The following FUT8 variants were observed in gnomAD, a reference collection of about 807,000 sequenced individuals.
FUT8 encodes alpha-(1,6)-fucosyltransferase.
A neutral mutation model predicts 71.3 loss-of-function variants in FUT8; 29 were observed. That is an observed-to-expected ratio of 0.41 (90% confidence interval 0.30 to 0.55). The LOEUF is 0.55. Among genes scored for constraint, FUT8 ranks in the 20% least tolerant of loss-of-function variants. The probability of loss-of-function intolerance (pLI) is 0.34; values close to 1 mark genes in which losing one functional copy is unlikely to be tolerated. For missense variants in FUT8, 544 were observed against 702.1 expected (o/e 0.77, Z 2.55); for synonymous variants, 254 against 239.3 (o/e 1.06, Z -0.57).
At chr14:65,623,556 A>G (rs1329559001) in intron 5 of FUT8, among the ~76,000 whole-genome samples, 1 of 151,988 alleles carries the variant, frequency 6.6e-6, no homozygotes, top group Non-Finnish European at 1.5e-5. Context: ...CCATCTCTAC[A>G]AATACAAAAA....
intron 2 of FUT8, among the ~76,000 whole-genome samples, chr14:65,484,505 GT>G (rs1245712533): frequency 6.6e-6 from 1 of 151,300 alleles, no homozygotes; most frequent in Non-Finnish European, 1.5e-5. Context: ...TCCCATGTTT[GT>G]TTTTTTTAAA....
rs1891930534 is a variant in FUT8, at chr14:65,660,976, A to G, written c.598-8267A>G. 6.6e-6 allele frequency among the ~76,000 whole-genome samples: 1 copy of G among 152,222 alleles called. No homozygotes were observed. The highest frequency in any genetic ancestry group is 6.5e-5 in the Admixed American group (1 of 15,282). On this transcript the variant is annotated intron_variant, in intron 6 of 10. Coordinates refer to ENST00000673929, the MANE Select transcript of FUT8 (RefSeq NM_001371533.1). The surrounding 1 kb of genome is among the most constrained non-coding windows in gnomAD (Gnocchi z 4.1). Reference sequence around the variant, plus strand: ...CTTCATTACCAGCACAAAGCTAGATATTGCAAATCTTTTTAAACAAATAAA... The same window carrying G: ...CTTCATTACCAGCACAAAGCTAGATGTTGCAAATCTTTTTAAACAAATAAA...
intron 3 of FUT8, among the ~76,000 whole-genome samples, chr14:65,591,261 T>G (rs1312078378): frequency 1.3e-5 from 2 of 152,164 alleles, no homozygotes; most frequent in African/African-American, 2.4e-5. Context: ...CTATATGGGT[T>G]TCTCTTGGCC....
intron 6 of FUT8, among the ~76,000 whole-genome samples, chr14:65,647,809 A>C (rs918285038): frequency 6.6e-6 from 1 of 152,286 alleles, no homozygotes; most frequent in South Asian, 2.1e-4. Context: ...TGTGAATAGA[A>C]AGTAATGTGG....
At chr14:65,509,244 G>C (rs1011039073) in intron 2 of FUT8, among the ~76,000 whole-genome samples, 2 of 151,790 alleles carry the variant, frequency 1.3e-5, no homozygotes, top group African/African-American at 2.4e-5. Flanking sequence ...TAGGCGTGTG[G>C]ATTTTTTTCT....
chr14:65,550,915 A>G lies in FUT8; in HGVS notation c.-227-10422A>G, dbSNP rs1885248744. Among the ~76,000 whole-genome samples, 1 of 152,222 alleles carries G rather than the reference A, an allele frequency of 6.6e-6. No individual in the cohort carries two copies. The highest frequency in any genetic ancestry group is 2.4e-5 in the African/African-American group (1 of 41,452). ...TTTTTCCAGTTTAGTGCTGTTGCAG[A>G]CAATGATGTAAAGAGTATGTGAATG... is the stretch of plus-strand genomic sequence containing the variant. On this transcript the variant is annotated intron_variant, in intron 2 of 10. Transcript: ENST00000673929. The surrounding 1 kb of genome is among the most constrained non-coding windows in gnomAD (Gnocchi z 4.5).
intron 1 of FUT8, among the ~76,000 whole-genome samples, chr14:65,455,183 G>C (rs913247146): frequency 6.6e-6 from 1 of 152,180 alleles, no homozygotes; most frequent in African/African-American, 2.4e-5. Context: ...GTGGAAGTTT[G>C]TGTAGAAGAT....
At chr14:65,515,758 G>T (rs754857804) in intron 2 of FUT8, among the ~76,000 whole-genome samples, 4 of 152,028 alleles carry the variant, frequency 2.6e-5, no homozygotes, top group Non-Finnish European at 4.4e-5. Context: ...ACATTGTATT[G>T]AAGGGTTACA....
At chr14:65,633,005 C>CCCCCA (rs1890281137) in intron 6 of FUT8, among the ~76,000 whole-genome samples, 5 of 85,258 alleles carry the variant, frequency 5.9e-5, no homozygotes, top group African/African-American at 3.0e-4. Flanking sequence ...CCTCTCCCCT[C>CCCCCA]CCCCCCCCCG....
intron 7 of FUT8, among the ~76,000 whole-genome samples, chr14:65,705,514 T>G (rs959828621): frequency 3.9e-5 from 6 of 152,222 alleles, no homozygotes; most frequent in African/African-American, 1.4e-4. Flanking sequence ...CTTGATCTCC[T>G]TTTACTCTTG....
intron 10 of FUT8, among the ~76,000 whole-genome samples, chr14:65,733,696 A>G (rs1462589469): frequency 6.6e-6 from 1 of 152,312 alleles, no homozygotes; most frequent in South Asian, 2.1e-4. Flanking sequence ...AGCTTACTTA[A>G]TACTTTCTAA....
At chr14:65,671,262 GC>G (rs1485792859) in intron 7 of FUT8, among the ~76,000 whole-genome samples, 2 of 152,110 alleles carry the variant, frequency 1.3e-5, no homozygotes, top group Admixed American at 6.6e-5. Flanking sequence ...GTTTAGCCCT[GC>G]CCGTGTGCTA....
chr14:65,611,584 C>G (rs972145116), intron 3 of FUT8, among the ~76,000 whole-genome samples: 1 of 151,852 alleles, frequency 6.6e-6, no homozygotes, highest in African/African-American at 2.4e-5. Context: ...AAATCTCATT[C>G]TTTATATTTT....
chr14:65,531,650 T>C (rs780668283), intron 2 of FUT8, among the ~76,000 whole-genome samples: 4 of 152,176 alleles, frequency 2.6e-5, no homozygotes, highest in Admixed American at 6.5e-5. Flanking sequence ...CAGAGGTATC[T>C]GTACAGGTTT....
rs112762027 is a variant in FUT8, at chr14:65,569,443, G to A, written c.203+7677G>A. 9.4e-3 allele frequency among the ~76,000 whole-genome samples: 1,416 copies of A among 150,852 alleles called. 22 individuals are homozygous for A. The highest frequency in any genetic ancestry group is 0.033 in the African/African-American group (1,349 of 41,176). On this transcript the variant is annotated intron_variant, in intron 3 of 10. Coordinates refer to ENST00000673929, the MANE Select transcript of FUT8 (RefSeq NM_001371533.1). ...ACTTTATTTTGTATTATTTTCTATT[G>A]AACTGGCTTCCAACTTATTTCACCT... is the stretch of plus-strand genomic sequence containing the variant.
At chr14:65,698,464 A>G (rs1433749959) in intron 7 of FUT8, among the ~76,000 whole-genome samples, 2 of 152,194 alleles carry the variant, frequency 1.3e-5, no homozygotes, top group Non-Finnish European at 2.9e-5. Flanking sequence ...TTTCTGAAGT[A>G]TTGTGCAAGC....
rs181655003 is a variant in FUT8, at chr14:65,621,856, G to A, written c.482+5483G>A. On this transcript the variant is annotated intron_variant, in intron 5 of 10. Coordinates refer to ENST00000673929, the MANE Select transcript of FUT8 (RefSeq NM_001371533.1). ...CTTTTTGTTTTTGAGATGGAGTCTCGCTGTGTCATCCAGGCAGAAGTGCAG... is the reference window on the plus strand; with the variant it reads ...CTTTTTGTTTTTGAGATGGAGTCTCACTGTGTCATCCAGGCAGAAGTGCAG... 2.9e-3 allele frequency among the ~76,000 whole-genome samples: 439 copies of A among 151,514 alleles called. 2 individuals carry two copies. Among genetic ancestry groups the A allele is most frequent in the African/African-American group, 0.01 (414 of 41,286 alleles).
At chr14:65,654,750 C>A (rs12435908) in intron 6 of FUT8, among the ~76,000 whole-genome samples, 20,979 of 151,556 alleles carry the variant, frequency 0.14, 1,991 homozygotes, top group East Asian at 0.48. Context: ...ATGGGAACAA[C>A]AAAAGGAGCA....
At chr14:65,691,589 G>A (rs932471875) in intron 7 of FUT8, among the ~76,000 whole-genome samples, 3 of 151,940 alleles carry the variant, frequency 2.0e-5, no homozygotes, top group Non-Finnish European at 2.9e-5. Context: ...TGGTCATAGT[G>A]TATAATTCTT....
Sources: allele counts gnomAD v4.1 joint callset (sites outside exome capture counted in the v4.1 genomes callset), GRCh38; gene constraint gnomAD v4.1.1; non-coding constraint Gnocchi (gnomAD v3.1); transcripts MANE v1.5; gene names NCBI Gene and HGNC (gene_info 2026-07-23, HGNC 2026-07-21).